The following MYO16 variants were observed in gnomAD, a reference collection of about 807,000 sequenced individuals.
The protein encoded by MYO16 is myosin XVI, also known as unconventional myosin-XVI.
Under a neutral mutation model 205.3 loss-of-function variants are expected in MYO16, and 94 were observed. The ratio of observed to expected loss-of-function variants is 0.46; its 90% CI spans 0.39 to 0.54. The LOEUF (loss-of-function observed/expected upper bound fraction) is 0.54, where lower values mean the gene tolerates loss of function less well. Among genes scored for constraint, MYO16 ranks in the 20% least tolerant of loss-of-function variants. The pLI is 0.00. For synonymous variants in MYO16, 988 were observed against 954.0 expected (o/e 1.04, Z -0.66); for missense variants, 2,315 against 2,387.5 (o/e 0.97, Z 0.63).
intron 4 of MYO16, among the ~76,000 whole-genome samples, chr13:108,781,429 C>T (rs1886299156): frequency 6.6e-6 from 1 of 152,182 alleles, no homozygotes; most frequent in South Asian, 2.1e-4. Flanking sequence ...CTTTATTCAG[C>T]AGCTCTCTCA....
At chr13:108,757,043 T>A (rs1885444095) in intron 4 of MYO16, among the ~76,000 whole-genome samples, 1 of 152,042 alleles carries the variant, frequency 6.6e-6, no homozygotes, top group Admixed American at 6.5e-5. Context: ...TTGCTTTTGA[T>A]ATTTTTGCAA....
intron 2 of MYO16, among the ~76,000 whole-genome samples, chr13:108,687,412 A>G (rs1000138989): frequency 5.3e-5 from 8 of 152,190 alleles, no homozygotes; most frequent in African/African-American, 1.9e-4. Context: ...AAACCAGACC[A>G]GGCTTGTCAC....
intron 34 of MYO16, among the ~76,000 whole-genome samples, chr13:109,193,647 T>G (rs532641239): frequency 6.6e-6 from 1 of 152,190 alleles, no homozygotes; most frequent in Non-Finnish European, 1.5e-5. Context: ...CTGGCTAATG[T>G]AACAGGTTGG....
chr13:108,665,794 C>A (rs140520617), intron 1 of MYO16, 92 bp from the exon 2 acceptor site: 15 of 1,330,800 alleles, frequency 1.1e-5, no homozygotes, highest in African/African-American at 1.5e-5. Context: ...ATGACCTGTG[C>A]AATGGACAAT....
At chr13:108,840,292 A>G (rs948060398) in intron 9 of MYO16, among the ~76,000 whole-genome samples, 1 of 152,016 alleles carries the variant, frequency 6.6e-6, no homozygotes, top group Admixed American at 6.6e-5. Flanking sequence ...AATATTCCCG[A>G]CTTTCCATCA....
Position 108,874,316 on chromosome 13 carries a change from T to C in MYO16, c.1425+8074T>C, listed in dbSNP as rs9555527. ...TGGACTAGAGCCACATTATGGGGTTTAAAAAATATATAGGACTATTTAGAG... is the reference window on the plus strand; with the variant it reads ...TGGACTAGAGCCACATTATGGGGTTCAAAAAATATATAGGACTATTTAGAG... On this transcript the variant is annotated intron_variant, in intron 12 of 34. Transcript: ENST00000457511. 3.7e-3 allele frequency among the ~76,000 whole-genome samples: 560 copies of C among 152,278 alleles called. 19 individuals carry two copies. The East Asian group carries it at 0.085, about 23-fold the overall frequency.
intron 12 of MYO16, among the ~76,000 whole-genome samples, chr13:108,874,367 G>A (rs763287523): frequency 1.1e-4 from 17 of 151,346 alleles, no homozygotes; most frequent in Non-Finnish European, 2.4e-4. Flanking sequence ...TTTGATATGA[G>A]CAAGAAGTTA....
At chr13:108,947,175 C>A (rs1054600641) in intron 16 of MYO16, among the ~76,000 whole-genome samples, 3 of 152,090 alleles carry the variant, frequency 2.0e-5, no homozygotes, top group African/African-American at 7.2e-5. Flanking sequence ...GTGAAGATGC[C>A]TATGTTAGTC....
At chr13:108,503,333 A>G in the MYO16 span, among the ~76,000 whole-genome samples, 1 of 152,204 alleles carries the variant, frequency 6.6e-6, no homozygotes, top group African/African-American at 2.4e-5. Flanking sequence ...GGCAGGGGCC[A>G]GCCTCTGCCG....
intron 16 of MYO16, among the ~76,000 whole-genome samples, chr13:108,947,116 T>C (rs1433420771): frequency 6.6e-6 from 1 of 152,246 alleles, no homozygotes; most frequent in Non-Finnish European, 1.5e-5. Flanking sequence ...TACATGGTCA[T>C]GTGTCTGAAT....
intron 27 of MYO16, among the ~76,000 whole-genome samples, chr13:109,067,942 C>G (rs1438107004): frequency 5.3e-5 from 8 of 152,146 alleles, no homozygotes; most frequent in Non-Finnish European, 1.5e-5. Context: ...TAATAACTTC[C>G]TAACAACCTA....
intron 34 of MYO16, among the ~76,000 whole-genome samples, chr13:109,179,933 G>A (rs1472068656): frequency 6.6e-6 from 1 of 152,112 alleles, no homozygotes; most frequent in Non-Finnish European, 1.5e-5. Context: ...GGGTGAAGAT[G>A]ATATTAAATC....
At position 109,061,606 on chromosome 13, in the gene MYO16, T is replaced by C. The variant is rs193103585; in HGVS notation, c.3335+6011T>C. On this transcript the variant is annotated intron_variant, in intron 27 of 34. Coordinates refer to ENST00000457511, the MANE Select transcript of MYO16 (RefSeq NM_001198950.3). ...ACATGACACGTATTGATGAAGTTTGTTTTCTTATATCGGTGTGGTTTGTGG... is the reference window on the plus strand; with the variant it reads ...ACATGACACGTATTGATGAAGTTTGCTTTCTTATATCGGTGTGGTTTGTGG... 9.2e-4 allele frequency among the ~76,000 whole-genome samples: 136 copies of C among 147,382 alleles called. 1 individual carries two copies. Among genetic ancestry groups the C allele is most frequent in the African/African-American group, 3.5e-3 (128 of 36,966 alleles).
At chr13:109,204,456 T>C (rs1448218591) in intron 34 of MYO16, among the ~76,000 whole-genome samples, 1 of 152,040 alleles carries the variant, frequency 6.6e-6, no homozygotes, top group Non-Finnish European at 1.5e-5. Flanking sequence ...CACACACTGG[T>C]GGAGGATGAC....
At chr13:109,037,483 C>G (rs1260062342) in intron 23 of MYO16, among the ~76,000 whole-genome samples, 2 of 152,004 alleles carry the variant, frequency 1.3e-5, no homozygotes, top group Admixed American at 1.3e-4. Context: ...GACAGATTAC[C>G]TAGGTAATGC....
the MYO16 span, among the ~76,000 whole-genome samples, chr13:108,590,425 C>A: frequency 4.6e-5 from 7 of 152,152 alleles, no homozygotes; most frequent in Non-Finnish European, 1.0e-4. Context: ...GTATGAAGAA[C>A]TACTGTCTCA....
chr13:108,544,353 T>C, the MYO16 span, among the ~76,000 whole-genome samples: 1 of 152,194 alleles, frequency 6.6e-6, no homozygotes, highest in African/African-American at 2.4e-5. Flanking sequence ...CATATTTTAC[T>C]TTTGTATTCA....
chr13:108,579,151 C>G, the MYO16 span, among the ~76,000 whole-genome samples: 5 of 152,112 alleles, frequency 3.3e-5, no homozygotes, highest in Non-Finnish European at 7.4e-5. Flanking sequence ...GAAACTTGGA[C>G]AGAGTGGTGG....
chr13:108,677,372 TGC>T (rs1882275812), intron 2 of MYO16, among the ~76,000 whole-genome samples: 3 of 145,836 alleles, frequency 2.1e-5, no homozygotes, highest in African/African-American at 7.6e-5. Context: ...TATATATATA[TGC>T]ATATATATAT....
Sources: allele counts gnomAD v4.1 joint callset (sites outside exome capture counted in the v4.1 genomes callset), GRCh38; gene constraint gnomAD v4.1.1; transcripts MANE v1.5; gene names NCBI Gene and HGNC (gene_info 2026-07-23, HGNC 2026-07-21).